Variants in NAPRT observed in about 807,000 individuals in gnomAD.
NAPRT encodes FHA-HIT-interacting protein.
In NAPRT, 66 loss-of-function variants were observed where a neutral mutation model predicts 60.7. The observed-to-expected ratio is 1.09, with a 90% CI of 0.89 to 1.33. The LOEUF (loss-of-function observed/expected upper bound fraction) is 1.33, where lower values mean the gene tolerates loss of function less well. Among genes scored for constraint, NAPRT ranks in the 40% most tolerant of loss-of-function variants. The pLI is 0.00. For synonymous variants in NAPRT, 405 were observed against 335.7 expected, an observed-to-expected ratio of 1.21 and a Z score of -2.26; for missense variants, 818 against 731.5, an observed-to-expected ratio of 1.12 and a Z score of -1.36.
At position 143,577,924 on chromosome 8, in the gene NAPRT, C is replaced by G. The variant is rs762111955; in HGVS notation, c.246G>C (p.Ser82=). 6.2e-7 allele frequency: 1 copy of G among 1,610,892 alleles called. No individual in the cohort carries two copies. The highest frequency in any genetic ancestry group is 1.1e-5 in the South Asian group (1 of 90,984). The change falls in exon 2 of 13, where the codon TCG becomes TCC. Residue 82 remains serine (S), a synonymous_variant. Coordinates refer to ENST00000449291, the MANE Select transcript of NAPRT (RefSeq NM_145201.6). ...CAGGATCCGTGTCTGGGGGCAGCACCGAGGCCAGGAACTGCACGTCTGGAA... is the reference window on the plus strand; with the variant it reads ...CAGGATCCGTGTCTGGGGGCAGCACGGAGGCCAGGAACTGCACGTCTGGAA... The part of the protein sequence containing the change: ...LRDADVQFLA[S]VLPPDTDPAF...
downstream of NAPRT, among the ~76,000 whole-genome samples, chr8:143,574,428 C>T (rs1824276377): frequency 6.6e-6 from 1 of 152,174 alleles, no homozygotes; most frequent in African/African-American, 2.4e-5. Context: ...CACGGCTGGA[C>T]CCTCTTACCT....
Position 143,576,156 on chromosome 8 carries a change from C to A in NAPRT, c.1029G>T (p.Gln343His). ...TGAGGACTGACTCCAGCCAGGGCAC[C>A]TGGAACCTGCCGCGTGGGTGGAGAA... ...KVFRAAAAQF[Q>H]VPWLESVLIV... The change falls in exon 8 of 13, where the codon CAG becomes CAT. Residue 343 changes from glutamine to histidine, a missense_variant. Physicochemically the swap from Gln to His is conservative, Grantham distance 24. Coordinates refer to ENST00000449291, the MANE Select transcript of NAPRT (RefSeq NM_145201.6). 1 of 1,598,056 alleles carries A rather than the reference C, an allele frequency of 6.3e-7. No individual in the cohort carries two copies.
chr8:143,575,644 G>A lies in NAPRT; in HGVS notation c.1166C>T (p.Pro389Leu), dbSNP rs1217591409. 14 of 1,595,238 alleles carry A rather than the reference G, an allele frequency of 8.8e-6. No individual in the cohort carries two copies. The highest frequency in any genetic ancestry group is 1.1e-5 in the Non-Finnish European group (13 of 1,171,794). ...GTSVVTCPQQ[P>L]SLGGVYKLVA... is the part of the protein sequence containing the mutation. ...TACCTTATAGACGCCACCCAGGGAA[G>A]GCTGTTGGGGGCAGGTGACCACACT... The change falls in exon 9 of 13, where the codon CCT (proline) becomes CTT (leucine). Residue 389 changes from proline (P) to leucine (L), a missense_variant. Physicochemically the swap from Pro to Leu is moderately conservative, Grantham distance 98. Coordinates refer to ENST00000449291, the MANE Select transcript of NAPRT (RefSeq NM_145201.6).
rs1288730322 is a variant in NAPRT, at chr8:143,577,399, G to A, written c.438C>T (p.Ser146=). 6.2e-7 allele frequency: 1 copy of A among 1,605,718 alleles called. No homozygotes were observed. The highest frequency in any genetic ancestry group is 1.3e-5 in the African/African-American group (1 of 74,972). ...TPLLCLVSYA[S]LVATNAARLR... is the part of the protein sequence containing the mutation. ...GCCGCGCTGCGTTGGTGGCCACCAG[G>A]CTGTGGGGAGCCAAGAGTCAGGGGG... The change falls in exon 4 of 13, where the codon AGC becomes AGT. Residue 146 remains serine, a splice_region_variant and synonymous_variant. Coordinates refer to ENST00000449291, the MANE Select transcript of NAPRT (RefSeq NM_145201.6).
chr8:143,573,007 G>C (rs1022691857), downstream of NAPRT: 1 of 440,152 alleles, frequency 2.3e-6, no homozygotes, highest in Non-Finnish European at 4.0e-6. Flanking sequence ...ACGAAGAAAG[G>C]GGGAGAAGGG....
chr8:143,577,572 G>A, intron 3 of NAPRT, 85 bp downstream of exon 3: 2 of 1,499,284 alleles, frequency 1.3e-6, no homozygotes, highest in Admixed American at 2.0e-5. Context: ...TGGGCAGCCA[G>A]CCCCGCCGCC....
chr8:143,574,902 T>C lies in NAPRT; in HGVS notation c.1555-2A>G. 6.4e-7 allele frequency: 1 copy of C among 1,550,566 alleles called. No homozygotes were observed. Among genetic ancestry groups the C allele is most frequent in the Non-Finnish European group, 8.7e-7 (1 of 1,146,992 alleles). On this transcript the variant is annotated splice_acceptor_variant, in intron 12 of 12. Transcript: ENST00000449291. LOFTEE classifies it high-confidence loss of function. ...CTGCAGCCTCTCGGACAGCACCACC[T>C]GCAGGGAGCAGAGGACAGGAGCGGT...
chr8:143,573,009 G>A (rs970136138), downstream of NAPRT: 2 of 439,434 alleles, frequency 4.6e-6, no homozygotes, highest in East Asian at 7.4e-5. Flanking sequence ...GAAGAAAGGG[G>A]GAGAAGGGCC....
At position 143,577,280 on chromosome 8, in the gene NAPRT, C is replaced by T. The variant is rs761978748; in HGVS notation, c.557G>A (p.Ser186Asn). The T allele has an allele frequency of 5.0e-6, 8 of 1,609,654 alleles. No individual in the cohort carries two copies. In the South Asian group the frequency reaches 7.7e-5, roughly 16 times the overall value. The change falls in exon 4 of 13, where the codon AGC becomes AAC. Residue 186 changes from serine (S) to asparagine (N), a missense_variant. Transcript: ENST00000449291. ...PDGGLTASTY[S>N]YLGGFDSSSN... ...CACCAGACACTCACCGCCCAGGTAG[C>T]TGTAGGTGGAGGCTGTCAGGCCCCC...
intron 1 of NAPRT, 45 bp from the exon 2 acceptor site, chr8:143,577,988 G>A: frequency 6.3e-7 from 1 of 1,581,774 alleles, no homozygotes; most frequent in South Asian, 1.1e-5. Context: ...GGGACAGACC[G>A]GTCGTGGGAC....
In NAPRT at chr8:143,575,356, G is replaced by T; in HGVS notation, c.1292-11C>A. On this transcript the variant is annotated splice_polypyrimidine_tract_variant and intron_variant, in intron 10 of 12. Coordinates refer to ENST00000449291, the MANE Select transcript of NAPRT (RefSeq NM_145201.6). Reference sequence around the variant, plus strand: ...CCATGAGTGGAGACCCTGTGTGGACGGGGCAAGAATAAGCGGGGGCCCTGG... The same window carrying T: ...CCATGAGTGGAGACCCTGTGTGGACTGGGCAAGAATAAGCGGGGGCCCTGG... 1.9e-6 allele frequency: 3 copies of T among 1,604,958 alleles called. No homozygotes were observed. The highest frequency in any genetic ancestry group is 2.6e-6 in the Non-Finnish European group (3 of 1,173,404).
At position 143,576,091 on chromosome 8, in the gene NAPRT, C is replaced by T. The variant is rs761418207; in HGVS notation, c.1094G>A (p.Arg365Gln). Reference protein sequence around the residue: ...SNNIDEEALARLAQEGSEVNV... With the variant: ...SNNIDEEALAQLAQEGSEVNV... ...CATCCACCCCACCTCCTGGGCCAGT[C>T]GGGCCAGCGCCTCCTCGTCAATGTT... The change falls in exon 8 of 13, where the codon CGA becomes CAA. Residue 365 changes from arginine to glutamine, a missense_variant. Arg to Gln is a conservative substitution (Grantham distance 43). Coordinates refer to ENST00000449291, the MANE Select transcript of NAPRT (RefSeq NM_145201.6). The T allele has an allele frequency of 9.5e-5, 151 of 1,597,192 alleles. No homozygotes were observed. Among genetic ancestry groups the T allele is most frequent in the Non-Finnish European group, 1.2e-4 (146 of 1,169,342 alleles).
chr8:143,576,086 C>A lies in NAPRT; in HGVS notation c.1099G>T (p.Ala367Ser), dbSNP rs201030598. The change falls in exon 8 of 13, where the codon GCC becomes TCC. Residue 367 changes from alanine (A) to serine (S), a missense_variant. Coordinates refer to ENST00000449291, the MANE Select transcript of NAPRT (RefSeq NM_145201.6). ...NIDEEALARL[A>S]QEGSEVNVIG... Reference sequence around the variant, plus strand: ...CCACTCATCCACCCCACCTCCTGGGCCAGTCGGGCCAGCGCCTCCTCGTCA... The same window carrying A: ...CCACTCATCCACCCCACCTCCTGGGACAGTCGGGCCAGCGCCTCCTCGTCA... 7 of 1,594,816 alleles carry A rather than the reference C, an allele frequency of 4.4e-6. No homozygotes were observed. Among genetic ancestry groups the A allele is most frequent in the Admixed American group, 1.7e-5 (1 of 58,412 alleles).
In NAPRT at chr8:143,575,086, TCA is replaced by T; in HGVS notation, c.1452_1453del (p.Cys484Ter). On this transcript the variant is annotated stop_gained and frameshift_variant, in exon 12 of 13. Coordinates refer to ENST00000449291, the MANE Select transcript of NAPRT (RefSeq NM_145201.6). LOFTEE classifies it high-confidence loss of function. Reference sequence around the variant, plus strand: ...AGACTCTGCCAGGGATGGGAGCGGCTCACACAGCTGCAGGGAGGAGGTAAGGA... The same window carrying T: ...AGACTCTGCCAGGGATGGGAGCGGCTCACAGCTGCAGGGAGGAGGTAAGGA... 1.3e-6 allele frequency: 2 copies of T among 1,517,480 alleles called. No individual in the cohort carries two copies. The highest frequency in any genetic ancestry group is 1.4e-5 in the African/African-American group (1 of 72,416). The allele number at this position is 1,517,480 out of a possible 1,614,324, so 94.0% of individuals were successfully genotyped here.
In NAPRT at chr8:143,578,273, G is replaced by A; in HGVS notation, c.46C>T (p.Leu16=). Residue 16 remains leucine, a synonymous_variant, in exon 1 of 13, where the codon CTG becomes TTG. Transcript: ENST00000449291. Reference sequence around the variant, plus strand: ...GTGGCCTGGTAGAGGTCAGTGAGCAGCGGCCGCGCCGCCGCGCGCGCCTCG... The same window carrying A: ...GTGGCCTGGTAGAGGTCAGTGAGCAACGGCCGCGCCGCCGCGCGCGCCTCG... ...DPEARAAARP[L]LTDLYQATMA... is the part of the protein sequence containing the mutation. 1 of 1,419,728 alleles carries A rather than the reference G, an allele frequency of 7.0e-7. No homozygotes were observed. Among genetic ancestry groups the A allele is most frequent in the Non-Finnish European group, 9.1e-7 (1 of 1,093,128 alleles). 87.9% of individuals were successfully genotyped at this position (1,419,728 alleles called of 1,614,324 possible).
rs550035405 is a variant in NAPRT at position 143,577,928 on chromosome 8, G to T, written c.242C>A (p.Ala81Asp). The T allele has an allele frequency of 3.5e-5, 56 of 1,610,602 alleles. No individual in the cohort carries two copies. The South Asian group carries it at 5.3e-4, about 15-fold the overall frequency. ...ATCCGTGTCTGGGGGCAGCACCGAGGCCAGGAACTGCACGTCTGGAAACGA... is the reference window on the plus strand; with the variant it reads ...ATCCGTGTCTGGGGGCAGCACCGAGTCCAGGAACTGCACGTCTGGAAACGA... ...RLRDADVQFL[A>D]SVLPPDTDPA... Residue 81 changes from alanine (A) to aspartate (D), a missense_variant, in exon 2 of 13, where the codon GCC becomes GAC. By Grantham distance (126) the Ala-to-Asp change is moderately radical (BLOSUM62 -2). Transcript: ENST00000449291.
At position 143,578,175 on chromosome 8, in the gene NAPRT, G is replaced by A; in HGVS notation, c.144C>T (p.Cys48=). 6.6e-7 allele frequency: 1 copy of A among 1,516,788 alleles called. No individual in the cohort carries two copies. 94.0% of individuals were successfully genotyped at this position (1,516,788 alleles called of 1,614,324 possible). A position where few individuals can be genotyped will look rare whatever the true frequency, so the allele number is the denominator to read the frequency against. ...AAEFELFFRR[C]PFGGAFALAA... Reference sequence around the variant, plus strand: ...CCAAGGCGAAGGCGCCGCCGAACGGGCAGCGGCGGAAGAAGAGCTCGAACT... The same window carrying A: ...CCAAGGCGAAGGCGCCGCCGAACGGACAGCGGCGGAAGAAGAGCTCGAACT... Residue 48 remains cysteine (C), a synonymous_variant, in exon 1 of 13, where the codon TGC becomes TGT. Coordinates refer to ENST00000449291, the MANE Select transcript of NAPRT (RefSeq NM_145201.6).
Position 143,575,268 on chromosome 8 carries a change from G to A in NAPRT, c.1369C>T (p.Pro457Ser). The A allele has an allele frequency of 6.2e-7, 1 of 1,612,566 alleles. No individual in the cohort carries two copies. The highest frequency in any genetic ancestry group is 2.2e-5 in the East Asian group (1 of 44,866). ...QAGQELRVWP[P>S]GAQEPCTVRP... ...ACGGTGCAGGGCTCCTGGGCCCCTG[G>A]AGGCCACACCCTCAGCTCCTGCCCA... Residue 457 changes from proline to serine, a missense_variant, in exon 11 of 13, where the codon CCA becomes TCA. By Grantham distance (74) the Pro-to-Ser change is moderately conservative. Coordinates refer to ENST00000449291, the MANE Select transcript of NAPRT (RefSeq NM_145201.6).
rs1355362259 is a variant in NAPRT, at chr8:143,574,948, C to T, written c.1554+38G>A. On this transcript the variant is annotated intron_variant, in intron 12 of 12. Transcript: ENST00000449291. The stretch of plus-strand genomic sequence containing the variant: ...GCGGTGGGCAGGGTGAGGGCGGGGG[C>T]GCACAGGGCAGAATGACAGGGTGGG... 1.9e-5 allele frequency: 30 copies of T among 1,548,772 alleles called. No homozygotes were observed. In the East Asian group the frequency reaches 2.0e-4, roughly 10 times the overall value.
Sources: allele counts gnomAD v4.1 joint callset (sites outside exome capture counted in the v4.1 genomes callset), GRCh38; gene constraint gnomAD v4.1.1; transcripts MANE v1.5; gene names NCBI Gene and HGNC (gene_info 2026-07-23, HGNC 2026-07-21).